NCAM2: variants seen among roughly 807,000 people sequenced by gnomAD.
NCAM2 encodes N-CAM-2.
A neutral mutation model predicts 98.1 loss-of-function variants in NCAM2; 30 were observed. The ratio of observed to expected loss-of-function variants is 0.31; its 90% confidence interval spans 0.23 to 0.41. NCAM2 has a LOEUF of 0.41. Ranked by LOEUF, NCAM2 falls within the 10% of genes least tolerant of loss-of-function variation. NCAM2 has a pLI of 1.00. For synonymous variants in NCAM2, 368 were observed against 342.4 expected, an observed-to-expected ratio of 1.07 and a Z score of -0.83; for missense variants, 867 against 1,005.8, an observed-to-expected ratio of 0.86 and a Z score of 1.87.
chr21:21,175,787 G>C (rs1009043228), intron 1 of NCAM2, among the ~76,000 whole-genome samples: 1 of 152,270 alleles, frequency 6.6e-6, no homozygotes, highest in South Asian at 2.1e-4. Flanking sequence ...TTCAGTGTTA[G>C]TGATCAGTAG....
At chr21:21,165,386 C>G (rs2146806400) in intron 1 of NCAM2, among the ~76,000 whole-genome samples, 1 of 152,260 alleles carries the variant, frequency 6.6e-6, no homozygotes, top group Middle Eastern at 3.4e-3. Flanking sequence ...AGCCTCCTTC[C>G]AGAGCAAAAA....
intron 1 of NCAM2, among the ~76,000 whole-genome samples, chr21:21,121,807 G>A (rs566230541): frequency 6.6e-6 from 1 of 152,306 alleles, no homozygotes; most frequent in East Asian, 1.9e-4. Flanking sequence ...CCCATGGATC[G>A]ATCTGCTGCC....
intron 1 of NCAM2, among the ~76,000 whole-genome samples, chr21:21,262,547 A>C (rs2071946717): frequency 6.6e-6 from 1 of 151,860 alleles, no homozygotes; most frequent in South Asian, 2.1e-4. Flanking sequence ...CATCATACTG[A>C]ATGAGCAAAA....
intron 1 of NCAM2, among the ~76,000 whole-genome samples, chr21:21,100,734 C>T (rs1212731258): frequency 6.6e-6 from 1 of 151,950 alleles, no homozygotes; most frequent in Non-Finnish European, 1.5e-5. Flanking sequence ...AACCCCCTTT[C>T]TGTTTAGGTG....
intron 1 of NCAM2, among the ~76,000 whole-genome samples, chr21:21,171,360 G>A (rs1441299891): frequency 6.6e-6 from 1 of 152,172 alleles, no homozygotes; most frequent in Non-Finnish European, 1.5e-5. Context: ...ATAGTAAGAG[G>A]ATTTGCATGA....
intron 10 of NCAM2, among the ~76,000 whole-genome samples, chr21:21,412,228 C>T (rs889820653): frequency 6.6e-6 from 1 of 152,148 alleles, no homozygotes; most frequent in Admixed American, 6.5e-5. Flanking sequence ...CTCACATGCC[C>T]TTTCCTCTGT....
rs1047528897 is a variant in NCAM2, at chr21:21,436,478, A to T, written c.1654+4197A>T. 2.0e-5 allele frequency among the ~76,000 whole-genome samples: 3 copies of T among 152,212 alleles called. No individual in the cohort carries two copies. In the South Asian group the frequency reaches 6.2e-4, roughly 31 times the overall value. On this transcript the variant is annotated intron_variant, in intron 12 of 17. Transcript: ENST00000400546. ...CACTGTATTTCAGATGTTATATTGT[A>T]TTGTGCATATTTTAATATATAACAT...
At chr21:21,535,488 G>T (rs1322321418) in intron 17 of NCAM2, among the ~76,000 whole-genome samples, 1 of 151,826 alleles carries the variant, frequency 6.6e-6, no homozygotes, top group Non-Finnish European at 1.5e-5. Context: ...CTAAATCAAA[G>T]AAAAAATGTT....
chr21:21,135,023 A>G (rs2067014553), intron 1 of NCAM2, among the ~76,000 whole-genome samples: 1 of 122,054 alleles, frequency 8.2e-6, no homozygotes, highest in Non-Finnish European at 1.7e-5. Context: ...TCACGAGGTC[A>G]GGAGATCAAG....
intron 12 of NCAM2, among the ~76,000 whole-genome samples, chr21:21,437,909 A>G (rs1312218834): frequency 4.0e-5 from 5 of 126,262 alleles, no homozygotes; most frequent in Admixed American, 3.1e-4. Context: ...TTTAAAGCAC[A>G]TATTATATAT....
At position 21,014,159 on chromosome 21, in the gene NCAM2, C is replaced by G. The variant is rs561409739; in HGVS notation, c.55+15541C>G. ...ATAGTCCTAGCGTCCTTAAGAATTA[C>G]GCTAAGTCGTAATCCCAGCACTTTG... is the stretch of plus-strand genomic sequence containing the variant. On this transcript the variant is annotated intron_variant, in intron 1 of 17. Transcript: ENST00000400546. Among the ~76,000 whole-genome samples, 12 of 152,236 alleles carry G rather than the reference C, an allele frequency of 7.9e-5. No homozygotes were observed. The South Asian group carries it at 1.9e-3, about 24-fold the overall frequency.
At chr21:21,507,440 C>T (rs1988051186) in intron 15 of NCAM2, among the ~76,000 whole-genome samples, 1 of 152,080 alleles carries the variant, frequency 6.6e-6, no homozygotes, top group Non-Finnish European at 1.5e-5. Context: ...TGTTTCACAT[C>T]AGTTACATAT....
chr21:21,177,010 G>T (rs979184837), intron 1 of NCAM2, among the ~76,000 whole-genome samples: 2 of 151,964 alleles, frequency 1.3e-5, no homozygotes, highest in African/African-American at 4.8e-5. Context: ...TATTTACTTA[G>T]AACATTTATA....
intron 8 of NCAM2, among the ~76,000 whole-genome samples, chr21:21,355,904 C>T (rs146424759): frequency 2.6e-5 from 4 of 152,146 alleles, no homozygotes; most frequent in Non-Finnish European, 5.9e-5. Context: ...CCACTGCTCC[C>T]GGCCTTAATT....
At chr21:21,318,898 A>G (rs1265581627) in intron 5 of NCAM2, among the ~76,000 whole-genome samples, 2 of 152,198 alleles carry the variant, frequency 1.3e-5, no homozygotes, top group Non-Finnish European at 2.9e-5. Flanking sequence ...TCAGCTTGAT[A>G]AAAGAAACAG....
intron 11 of NCAM2, 67 bp from the exon 12 acceptor site, chr21:21,432,041 C>T (rs2077356127): frequency 3.4e-6 from 5 of 1,468,586 alleles, no homozygotes; most frequent in Non-Finnish European, 4.7e-6. Flanking sequence ...CTCATAACAC[C>T]ATAAGCCTTA....
At chr21:21,209,267 T>A (rs1013843880) in intron 1 of NCAM2, among the ~76,000 whole-genome samples, 4 of 152,130 alleles carry the variant, frequency 2.6e-5, no homozygotes, top group African/African-American at 9.7e-5. Context: ...CCAGGCTGGA[T>A]TGCAGTGGCA....
intron 1 of NCAM2, among the ~76,000 whole-genome samples, chr21:21,033,303 T>A (rs528555553): frequency 9.2e-5 from 14 of 152,274 alleles, no homozygotes; most frequent in African/African-American, 3.4e-4. Flanking sequence ...TTCAGGCACA[T>A]GGGATAAGTT....
intron 5 of NCAM2, among the ~76,000 whole-genome samples, chr21:21,312,157 C>T (rs1428007631): frequency 6.6e-6 from 1 of 151,992 alleles, no homozygotes; most frequent in Non-Finnish European, 1.5e-5. Context: ...TGTTTTTCAT[C>T]ATGATAAGGA....
Sources: allele counts gnomAD v4.1 joint callset (sites outside exome capture counted in the v4.1 genomes callset), GRCh38; gene constraint gnomAD v4.1.1; transcripts MANE v1.5; gene names NCBI Gene and HGNC (gene_info 2026-07-23, HGNC 2026-07-21).